HMGCLL1: variants seen among roughly 807,000 people sequenced by gnomAD.
HMGCLL1 encodes 3-hydroxymethyl-3-methylglutaryl-CoA lyase, cytoplasmic.
HMGCLL1 carries 36 observed loss-of-function variants against 39.1 expected under a neutral mutation model. The ratio of observed to expected loss-of-function variants is 0.92; its 90% CI spans 0.71 to 1.22. HMGCLL1 has a LOEUF of 1.22. HMGCLL1 is among the 50% of genes most tolerant of loss of function. The probability of loss-of-function intolerance (pLI) is 0.00; values close to 1 mark genes in which losing one functional copy is unlikely to be tolerated. For synonymous variants in HMGCLL1, 149 were observed against 144.0 expected, an observed-to-expected ratio of 1.03 and a Z score of -0.25; for missense variants, 451 against 416.5, an observed-to-expected ratio of 1.08 and a Z score of -0.72.
At chr6:55,583,316 G>A (rs1772015835), upstream of HMGCLL1, among the ~76,000 whole-genome samples, 2 of 151,768 alleles carry the variant, frequency 1.3e-5, no homozygotes, top group African/African-American at 4.8e-5. Context: ...TTTAGCATTA[G>A]GTATATCTCC....
chr6:55,599,238 T>G, the HMGCLL1 span, among the ~76,000 whole-genome samples: 14 of 152,072 alleles, frequency 9.2e-5, no homozygotes, highest in South Asian at 2.1e-4. Flanking sequence ...GTTCTGCACA[T>G]GTATCCCAGA....
At chr6:55,678,035 T>A in the HMGCLL1 span, among the ~76,000 whole-genome samples, 4 of 152,158 alleles carry the variant, frequency 2.6e-5, no homozygotes, top group Admixed American at 2.0e-4. Flanking sequence ...TACTCTAGCC[T>A]CCAGACTCTT....
chr6:55,578,897 G>T, intron 1 of HMGCLL1, 51 bp downstream of exon 1: 3 of 1,343,580 alleles, frequency 2.2e-6, no homozygotes, highest in Non-Finnish European at 2.1e-6. Flanking sequence ...AGAGAGGCTG[G>T]CTGTCAGTGT....
chr6:55,543,595 TA>T (rs67855019), intron 1 of HMGCLL1, among the ~76,000 whole-genome samples: 79,601 of 134,440 alleles, frequency 0.59, 24,328 homozygotes, highest in Admixed American at 0.7. Flanking sequence ...TATATATATA[TA>T]TTTTTTTGCC....
At chr6:55,666,921 C>T in the HMGCLL1 span, among the ~76,000 whole-genome samples, 1 of 151,352 alleles carries the variant, frequency 6.6e-6, no homozygotes, top group African/African-American at 2.4e-5. Context: ...CCAGGAAACA[C>T]TCACAATCTT....
intron 3 of HMGCLL1, among the ~76,000 whole-genome samples, chr6:55,530,213 G>A (rs565229813): frequency 6.2e-4 from 94 of 152,172 alleles, no homozygotes; most frequent in Non-Finnish European, 1.0e-3. Flanking sequence ...ACACATTATA[G>A]CAGTATAAGA....
At chr6:55,631,057 T>C in the HMGCLL1 span, among the ~76,000 whole-genome samples, 3 of 152,132 alleles carry the variant, frequency 2.0e-5, no homozygotes, top group Admixed American at 6.6e-5. Flanking sequence ...TTAAATCTGC[T>C]TGGTGTTCCA....
In HMGCLL1 at chr6:55,466,102, G is replaced by A. The variant is rs550820564; in HGVS notation, c.796-26543C>T. ...CCATTTGTAGAGATCTTGCTTTTCTGAGGCCTACTAGTATTGAGATCCAGA... is the reference window on the plus strand; with the variant it reads ...CCATTTGTAGAGATCTTGCTTTTCTAAGGCCTACTAGTATTGAGATCCAGA... On this transcript the variant is annotated intron_variant, in intron 7 of 8. Coordinates refer to ENST00000274901, the MANE Select transcript of HMGCLL1 (RefSeq NM_001042406.2). Among the ~76,000 whole-genome samples, 37 of 152,180 alleles carry A rather than the reference G, an allele frequency of 2.4e-4. No individual in the cohort carries two copies. In the South Asian group the frequency reaches 5.6e-3, roughly 23 times the overall value.
chr6:55,560,934 T>C (rs1315039620), intron 1 of HMGCLL1, among the ~76,000 whole-genome samples: 2 of 152,130 alleles, frequency 1.3e-5, no homozygotes, highest in Non-Finnish European at 2.9e-5. Context: ...TTTCAATCTC[T>C]AGTAAAAAAT....
intron 5 of HMGCLL1, among the ~76,000 whole-genome samples, chr6:55,503,417 C>A (rs1263816476): frequency 6.6e-6 from 1 of 151,628 alleles, no homozygotes; most frequent in African/African-American, 2.4e-5. Context: ...GGATAGATAC[C>A]CCCATATGCT....
intron 1 of HMGCLL1, among the ~76,000 whole-genome samples, chr6:55,575,227 T>C (rs1771704216): frequency 6.6e-6 from 1 of 152,058 alleles, no homozygotes; most frequent in South Asian, 2.1e-4. Flanking sequence ...TTCAACCTCT[T>C]GGTCTATTAA....
the HMGCLL1 span, among the ~76,000 whole-genome samples, chr6:55,627,349 T>C: frequency 1.3e-5 from 2 of 152,184 alleles, no homozygotes; most frequent in South Asian, 2.1e-4. Flanking sequence ...ACTTATGTAA[T>C]AGTATTTGGT....
At chr6:55,593,447 G>T in the HMGCLL1 span, among the ~76,000 whole-genome samples, 1 of 151,958 alleles carries the variant, frequency 6.6e-6, no homozygotes, top group Admixed American at 6.6e-5. Flanking sequence ...CTCTCCATCT[G>T]AACTGCGTGT....
chr6:55,526,071 G>A lies in HMGCLL1; in HGVS notation c.298-9468C>T, dbSNP rs150630907. Among the ~76,000 whole-genome samples the A allele has an allele frequency of 4.9e-3, 745 of 151,858 alleles. 5 individuals carry two copies. Among genetic ancestry groups the A allele is most frequent in the Middle Eastern group, 6.8e-3 (2 of 294 alleles). On this transcript the variant is annotated intron_variant, in intron 3 of 8. Transcript: ENST00000274901. ...TATCCTTACCCCCAGCTGGAACTTCGTTATCATCTTCTTACTACTGAGATT... is the reference window on the plus strand; with the variant it reads ...TATCCTTACCCCCAGCTGGAACTTCATTATCATCTTCTTACTACTGAGATT...
chr6:55,635,552 CTA>C, the HMGCLL1 span, among the ~76,000 whole-genome samples: 1 of 152,232 alleles, frequency 6.6e-6, no homozygotes, highest in East Asian at 1.9e-4. Flanking sequence ...TTAATAAAGA[CTA>C]TATACTGTCT....
chr6:55,466,965 A>G (rs9637974), intron 7 of HMGCLL1, among the ~76,000 whole-genome samples: 18,845 of 152,080 alleles, frequency 0.12, 1,428 homozygotes, highest in East Asian at 0.26. Context: ...CTCATCATTT[A>G]TCATTGTCTT....
the HMGCLL1 span, among the ~76,000 whole-genome samples, chr6:55,633,975 T>C: frequency 4.6e-5 from 7 of 152,138 alleles, no homozygotes; most frequent in East Asian, 5.8e-4. Flanking sequence ...AAATATTTCA[T>C]TCAAATAAAT....
At chr6:55,661,997 T>A in the HMGCLL1 span, among the ~76,000 whole-genome samples, 1 of 151,006 alleles carries the variant, frequency 6.6e-6, no homozygotes, top group African/African-American at 2.4e-5. Context: ...TTGGCTGTGG[T>A]TGGTGTATAA....
chr6:55,678,692 G>A, the HMGCLL1 span, among the ~76,000 whole-genome samples: 4 of 152,242 alleles, frequency 2.6e-5, no homozygotes, highest in South Asian at 8.3e-4. Flanking sequence ...TAATCCCACT[G>A]ACTTTCCAGT....
Sources: allele counts gnomAD v4.1 joint callset (sites outside exome capture counted in the v4.1 genomes callset), GRCh38; gene constraint gnomAD v4.1.1; transcripts MANE v1.5; gene names NCBI Gene and HGNC (gene_info 2026-07-23, HGNC 2026-07-21).